Variants in RABEPK observed in about 807,000 individuals in gnomAD.
RABEPK encodes the protein Rab9 effector protein with kelch motifs.
Under a neutral mutation model 34.1 loss-of-function variants are expected in RABEPK, and 27 were observed. That is an observed-to-expected ratio of 0.79 (90% CI 0.58 to 1.09). The LOEUF (loss-of-function observed/expected upper bound fraction) is 1.09. Ranked by LOEUF, RABEPK falls within the 50% of genes least tolerant of loss-of-function variation. The probability of loss-of-function intolerance (pLI) is 0.00; values close to 1 mark genes in which losing one functional copy is unlikely to be tolerated. For missense variants in RABEPK, 449 were observed against 462.6 expected, an observed-to-expected ratio of 0.97 and a Z score of 0.27; for synonymous variants, 172 against 169.2, an observed-to-expected ratio of 1.02 and a Z score of -0.13.
chr9:125,227,158 G>A (rs985821956), intron 5 of RABEPK, among the ~76,000 whole-genome samples: 15 of 151,922 alleles, frequency 9.9e-5, no homozygotes, highest in Admixed American at 7.2e-4. Flanking sequence ...CGACAAGACC[G>A]AAACTTTGTC....
intron 5 of RABEPK, 94 bp from the exon 6 acceptor site, chr9:125,227,816 C>T (rs770786682): frequency 4.6e-5 from 59 of 1,270,058 alleles, no homozygotes; most frequent in Non-Finnish European, 5.7e-5. Flanking sequence ...GGGACAGCTC[C>T]GCTTGCTAGG....
At chr9:125,207,006 T>C (rs1424512455) in intron 2 of RABEPK, among the ~76,000 whole-genome samples, 2 of 151,698 alleles carry the variant, frequency 1.3e-5, no homozygotes, top group Non-Finnish European at 1.5e-5. Flanking sequence ...GGAGAATCGC[T>C]TGAACCCGGG....
intron 4 of RABEPK, among the ~76,000 whole-genome samples, chr9:125,214,307 G>C (rs1830775784): frequency 6.6e-6 from 1 of 152,036 alleles, no homozygotes; most frequent in South Asian, 2.1e-4. Flanking sequence ...GGGTAGCGTG[G>C]GCTACTGGCT....
chr9:125,224,745 C>T (rs949119080), intron 5 of RABEPK, among the ~76,000 whole-genome samples: 2 of 152,082 alleles, frequency 1.3e-5, no homozygotes, highest in Non-Finnish European at 2.9e-5. Context: ...TAAGCCACTG[C>T]GCCCGGCCAG....
chr9:125,208,613 G>T (rs150362640), intron 3 of RABEPK, among the ~76,000 whole-genome samples: 2 of 151,240 alleles, frequency 1.3e-5, no homozygotes, highest in Non-Finnish European at 2.9e-5. Context: ...TCAGCTGACC[G>T]CAACCTGTGC....
At position 125,213,593 on chromosome 9, in the gene RABEPK, A is replaced by G. The variant is rs1172985437; in HGVS notation, c.364+71A>G. 3 of 1,265,112 alleles carry G rather than the reference A, an allele frequency of 2.4e-6. No homozygotes were observed. Among genetic ancestry groups the G allele is most frequent in the African/African-American group, 3.0e-5 (2 of 66,810 alleles). 78.4% of individuals were successfully genotyped at this position (1,265,112 alleles called of 1,614,324 possible). A position where few individuals can be genotyped will look rare whatever the true frequency, so the allele number is the denominator to read the frequency against. Reference sequence around the variant, plus strand: ...TTCATGCACACACACACACATATATATAAATCCAATTATAATTCCAGTACA... The same window carrying G: ...TTCATGCACACACACACACATATATGTAAATCCAATTATAATTCCAGTACA... On this transcript the variant is annotated intron_variant, in intron 4 of 7. Coordinates refer to ENST00000373538, the MANE Select transcript of RABEPK (RefSeq NM_005833.4).
chr9:125,220,725 G>T, intron 5 of RABEPK, 25 bp downstream of exon 5: 4 of 1,605,268 alleles, frequency 2.5e-6, no homozygotes, highest in Admixed American at 1.7e-5. Context: ...GCACCTTGGG[G>T]CTGGTCAGGG....
chr9:125,230,340 GGGC>G (rs1166299944), intron 6 of RABEPK, among the ~76,000 whole-genome samples: 1 of 152,076 alleles, frequency 6.6e-6, no homozygotes, highest in Non-Finnish European at 1.5e-5. Context: ...CTGGAACAAT[GGGC>G]AGAAGGCATG....
At chr9:125,215,368 G>A (rs1023883970) in intron 4 of RABEPK, among the ~76,000 whole-genome samples, 2 of 150,794 alleles carry the variant, frequency 1.3e-5, no homozygotes, top group Admixed American at 6.6e-5. Context: ...GGGATGCAGT[G>A]GTATGATCAC....
chr9:125,227,417 G>A (rs1011439570), intron 5 of RABEPK, among the ~76,000 whole-genome samples: 1 of 151,530 alleles, frequency 6.6e-6, no homozygotes, highest in Non-Finnish European at 1.5e-5. Flanking sequence ...AGCCTCTGTA[G>A]GACTTTTTTT....
intron 4 of RABEPK, among the ~76,000 whole-genome samples, chr9:125,214,715 A>G (rs1830808894): frequency 6.6e-6 from 1 of 150,916 alleles, no homozygotes; most frequent in Admixed American, 6.6e-5. Context: ...TCATTGTAAA[A>G]TATTTGAAAA....
chr9:125,223,486 G>A (rs1831506822), intron 5 of RABEPK, among the ~76,000 whole-genome samples: 1 of 151,950 alleles, frequency 6.6e-6, no homozygotes, highest in Non-Finnish European at 1.5e-5. Context: ...TAAAAAGTGT[G>A]TAATATTTCC....
At chr9:125,213,992 G>T (rs1447442534) in intron 4 of RABEPK, among the ~76,000 whole-genome samples, 1 of 151,988 alleles carries the variant, frequency 6.6e-6, no homozygotes, top group South Asian at 2.1e-4. Flanking sequence ...TGTAGTGGTG[G>T]GCGCCTATAA....
chr9:125,214,134 AAAAG>A (rs774007857), intron 4 of RABEPK, among the ~76,000 whole-genome samples: 1 of 152,068 alleles, frequency 6.6e-6, no homozygotes, highest in Admixed American at 6.6e-5. Flanking sequence ...AAAAAAAAGA[AAAAG>A]AAAAAAAAAT....
chr9:125,218,072 G>T (rs763370216), intron 4 of RABEPK, among the ~76,000 whole-genome samples: 1 of 151,866 alleles, frequency 6.6e-6, no homozygotes, highest in African/African-American at 2.4e-5. Context: ...AGCACTTTGG[G>T]AGGCCGAGGC....
intron 4 of RABEPK, among the ~76,000 whole-genome samples, chr9:125,214,101 G>A (rs182968264): frequency 5.0e-4 from 76 of 151,278 alleles, no homozygotes; most frequent in African/African-American, 1.6e-3. Context: ...CAGCCTGGGC[G>A]ACAGAGTGAG....
Position 125,203,024 on chromosome 9 carries a change from T to C in RABEPK, c.11T>C (p.Leu4Pro). ...TATGCATAGGACACCATGAAGCAAC[T>C]GCCAGTCTTGGAACCTGGAGACAAG... is the stretch of plus-strand genomic sequence containing the variant. Reference protein sequence around the residue: MKQLPVLEPGDKPR... With the variant: MKQPPVLEPGDKPR... The change falls in exon 2 of 8, where the codon CTG becomes CCG. Residue 4 changes from leucine to proline, a missense_variant. Coordinates refer to ENST00000373538, the MANE Select transcript of RABEPK (RefSeq NM_005833.4). The C allele has an allele frequency of 6.2e-7, 1 of 1,613,728 alleles. No individual in the cohort carries two copies. The highest frequency in any genetic ancestry group is 1.3e-5 in the African/African-American group (1 of 75,040).
At chr9:125,219,199 C>CTTTTTTTTT (rs1297507989) in intron 4 of RABEPK, among the ~76,000 whole-genome samples, 2 of 96,296 alleles carry the variant, frequency 2.1e-5, no homozygotes, top group African/African-American at 7.6e-5. Flanking sequence ...TTCTTTCTTT[C>CTTTTTTTTT]TTTTTTTTTT....
intron 4 of RABEPK, among the ~76,000 whole-genome samples, chr9:125,217,590 T>G (rs1033721973): frequency 3.9e-5 from 6 of 152,036 alleles, no homozygotes. Flanking sequence ...AGAGGGTGAT[T>G]TTCTATCATA....
Sources: gnomAD v4.1 joint callset for allele counts (sites outside exome capture counted in the v4.1 genomes callset) on GRCh38, gnomAD v4.1.1 for gene constraint, MANE v1.5 for transcripts, NCBI Gene and HGNC (gene_info 2026-07-23, HGNC 2026-07-21) for gene names.